ZNF75A: variants seen among roughly 807,000 people sequenced by gnomAD.
ZNF75A encodes zinc finger protein 75A.
ZNF75A carries 36 observed loss-of-function variants against 46.3 expected under a neutral mutation model. The ratio of observed to expected loss-of-function variants is 0.78; its 90% CI spans 0.60 to 1.03. ZNF75A has a LOEUF of 1.03. Ranked by LOEUF, ZNF75A falls within the 50% of genes least tolerant of loss-of-function variation. The pLI is 0.00. For synonymous variants in ZNF75A, 234 were observed against 189.9 expected, an observed-to-expected ratio of 1.23 and a Z score of -1.91; for missense variants, 595 against 551.3, an observed-to-expected ratio of 1.08 and a Z score of -0.79.
chr16:3,321,742 T>G (rs538703046), downstream of ZNF75A, among the ~76,000 whole-genome samples: 4 of 152,346 alleles, frequency 2.6e-5, no homozygotes, highest in Non-Finnish European at 5.9e-5. Context: ...GTACTGAGAT[T>G]ACAGGCATGA....
At chr16:3,305,994 G>C (rs1458511460) in intron 1 of ZNF75A, 1 of 152,208 alleles carries the variant, frequency 6.6e-6, no homozygotes, top group Non-Finnish European at 1.5e-5. Flanking sequence ...TTCCGTGTCC[G>C]GCCGATGTCA....
chr16:3,316,933 C>A lies in ZNF75A; in HGVS notation c.845C>A (p.Pro282His). 6.2e-7 allele frequency: 1 copy of A among 1,613,398 alleles called. No homozygotes were observed. Among genetic ancestry groups the A allele is most frequent in the Non-Finnish European group, 8.5e-7 (1 of 1,179,724 alleles). The change falls in exon 6 of 7, where the codon CCT becomes CAT. Residue 282 changes from proline (P) to histidine (H), a missense_variant. Transcript: ENST00000669516. ...ISLALFVLPK[P>H]KVISCLEQGE... ...ACAGCATTGTTTGTGCTCCCCAAACCTAAAGTGATCTCCTGTCTAGAGCAA... is the reference window on the plus strand; with the variant it reads ...ACAGCATTGTTTGTGCTCCCCAAACATAAAGTGATCTCCTGTCTAGAGCAA...
At chr16:3,311,302 G>A (rs1392991506) in intron 2 of ZNF75A, among the ~76,000 whole-genome samples, 1 of 152,092 alleles carries the variant, frequency 6.6e-6, no homozygotes, top group Non-Finnish European at 1.5e-5. Context: ...GCCAGGCGTG[G>A]TGGTGCATAC....
At chr16:3,314,521 C>G (rs548498224) in intron 5 of ZNF75A, among the ~76,000 whole-genome samples, 1 of 152,328 alleles carries the variant, frequency 6.6e-6, no homozygotes, top group Admixed American at 6.5e-5. Flanking sequence ...GAGGTTCTAC[C>G]CTGGACAATT....
At chr16:3,320,526 C>G (rs1961489182), downstream of ZNF75A, among the ~76,000 whole-genome samples, 1 of 152,182 alleles carries the variant, frequency 6.6e-6, no homozygotes, top group South Asian at 2.1e-4. Flanking sequence ...CCTCCCAAGA[C>G]TGTAGATGAT....
downstream of ZNF75A, among the ~76,000 whole-genome samples, chr16:3,320,048 CT>C (rs1232924647): frequency 0.031 from 4,623 of 146,912 alleles, 254 homozygotes; most frequent in African/African-American, 0.11. Context: ...CCTGCCCTAT[CT>C]TTTTTTTTTT....
rs529030738 is a variant in ZNF75A at position 3,310,851 on chromosome 16, G to T, written c.409-902G>T. 9.1e-6 allele frequency: 9 copies of T among 985,486 alleles called. No homozygotes were observed. In the East Asian group the frequency reaches 4.5e-4, roughly 50 times the overall value. The allele number at this position is 985,486 out of a possible 1,614,324, so 61.0% of individuals were successfully genotyped here. On this transcript the variant is annotated intron_variant, in intron 2 of 6. Coordinates refer to ENST00000669516, the MANE Select transcript of ZNF75A (RefSeq NM_001302109.2). ...CTCTGCTGACAAGTTGGGAGCCAGGGTATGAACTTGGTGGGTGGCGACACA... is the reference window on the plus strand; with the variant it reads ...CTCTGCTGACAAGTTGGGAGCCAGGTTATGAACTTGGTGGGTGGCGACACA...
In ZNF75A at chr16:3,317,292, A is replaced by G. The variant is rs201438884; in HGVS notation, c.1037A>G (p.Lys346Arg). 4.6e-5 allele frequency: 75 copies of G among 1,613,964 alleles called. No homozygotes were observed. The highest frequency in any genetic ancestry group is 5.7e-5 in the Non-Finnish European group (67 of 1,180,020). The change falls in exon 7 of 7, where the codon AAA (lysine) becomes AGA (arginine). Residue 346 changes from lysine (K) to arginine (R), a missense_variant. Coordinates refer to ENST00000669516, the MANE Select transcript of ZNF75A (RefSeq NM_001302109.2). The stretch of plus-strand genomic sequence containing the variant: ...GTCATATCAAAAAAGGCCAAAGTAA[A>G]AGTTCCCCAGAAAACAGCAGGCAAA... ...AGVISKKAKV[K>R]VPQKTAGKEN...
chr16:3,310,122 G>A (rs76214808), intron 2 of ZNF75A, among the ~76,000 whole-genome samples: 9,487 of 151,898 alleles, frequency 0.062, 1,007 homozygotes, highest in African/African-American at 0.21. Context: ...TAGGCCAGGC[G>A]TGGTGGCTCA....
downstream of ZNF75A, among the ~76,000 whole-genome samples, chr16:3,319,783 A>ATTT (rs55767869): frequency 1.7e-3 from 222 of 133,334 alleles, 1 homozygote; most frequent in African/African-American, 6.2e-3. Context: ...GAAGCTTTTC[A>ATTT]TTTTTTTTTT....
chr16:3,318,825 C>T lies in ZNF75A; in HGVS notation c.*956C>T. ...GACATGTAGTCAGCAGGAGACGGTTCCCTAAATAAAAGATTTGGGCACTGG... is the reference window on the plus strand; with the variant it reads ...GACATGTAGTCAGCAGGAGACGGTTTCCTAAATAAAAGATTTGGGCACTGG... On this transcript the variant is annotated 3_prime_UTR_variant, in exon 7 of 7. Coordinates refer to ENST00000669516, the MANE Select transcript of ZNF75A (RefSeq NM_001302109.2). The T allele has an allele frequency of 1.0e-6, 1 of 985,342 alleles. No homozygotes were observed. Among genetic ancestry groups the T allele is most frequent in the Non-Finnish European group, 1.2e-6 (1 of 829,918 alleles). The allele number at this position is 985,342 out of a possible 1,614,324, so 61.0% of individuals were successfully genotyped here.
intron 5 of ZNF75A, chr16:3,316,476 A>G (rs1435500349): frequency 6.5e-6 from 1 of 152,970 alleles, no homozygotes; most frequent in East Asian, 1.9e-4. Flanking sequence ...TGTAATTATA[A>G]TAGTAATCAC....
chr16:3,308,536 T>G lies in ZNF75A; in HGVS notation c.108T>G (p.Ser36=). The G allele has an allele frequency of 1.0e-6, 1 of 985,830 alleles. No homozygotes were observed. The highest frequency in any genetic ancestry group is 6.1e-5 in the Admixed American group (1 of 16,280). The allele number at this position is 985,830 out of a possible 1,614,324, so 61.1% of individuals were successfully genotyped here. A position where few individuals can be genotyped will look rare whatever the true frequency, so the allele number is the denominator to read the frequency against. The change falls in exon 2 of 7, where the codon TCT becomes TCG. Residue 36 remains serine, a synonymous_variant. Transcript: ENST00000669516. The part of the protein sequence containing the change: ...ARESSGQSKK[S]PQMDCLDPKS... ...AGAGCTCCGGTCAGAGTAAAAAATC[T>G]CCTCAAATGGACTGTCTCGATCCTA... is the stretch of plus-strand genomic sequence containing the variant.
rs758558878 is a variant in ZNF75A, at chr16:3,317,378, A to G, written c.1123A>G (p.Arg375Gly). Reference sequence around the variant, plus strand: ...GCACCAAGATTTTCCAGTGAAGAAAAGAAAGAAACTTTCAACCTGGAAACA... The same window carrying G: ...GCACCAAGATTTTCCAGTGAAGAAAGGAAAGAAACTTTCAACCTGGAAACA... ...KWHQDFPVKK[R>G]KKLSTWKQEL... Residue 375 changes from arginine to glycine, a missense_variant, in exon 7 of 7, where the codon AGA becomes GGA. Arg to Gly is a moderately radical substitution (Grantham distance 125). Transcript: ENST00000669516. The G allele has an allele frequency of 2.5e-6, 4 of 1,613,714 alleles. No homozygotes were observed. Among genetic ancestry groups the G allele is most frequent in the Non-Finnish European group, 3.4e-6 (4 of 1,179,706 alleles).
In ZNF75A at chr16:3,311,757, C is replaced by A; in HGVS notation, c.413C>A (p.Ala138Glu). ...RESGQTWNGV[A>E]VHELGKEAVL... ...AAGGATGGGAATTATTTCTAGGTTG[C>A]AGTCCATGAGCTGGGAAAGGAGGCA... The change falls in exon 3 of 7, where the codon GCA becomes GAA. Residue 138 changes from alanine to glutamate, a missense_variant. By Grantham distance (107) the Ala-to-Glu change is moderately radical. Coordinates refer to ENST00000669516, the MANE Select transcript of ZNF75A (RefSeq NM_001302109.2). 4.8e-6 allele frequency: 5 copies of A among 1,049,888 alleles called. No homozygotes were observed. The highest frequency in any genetic ancestry group is 1.7e-5 in the African/African-American group (1 of 59,190). 65.0% of individuals were successfully genotyped at this position (1,049,888 alleles called of 1,614,324 possible).
intron 5 of ZNF75A, among the ~76,000 whole-genome samples, chr16:3,314,125 C>T (rs866607536): frequency 5.3e-5 from 8 of 151,974 alleles, no homozygotes; most frequent in Admixed American, 2.0e-4. Context: ...ATCTGGGGAA[C>T]CGGTTCTAGG....
downstream of ZNF75A, chr16:3,322,869 C>G: frequency 1.0e-6 from 1 of 984,070 alleles, no homozygotes; most frequent in Non-Finnish European, 1.2e-6. Context: ...CTTAGGAAGC[C>G]TTGTACAAAT....
At chr16:3,310,762 G>C (rs1393782270) in intron 2 of ZNF75A, 2 of 985,268 alleles carry the variant, frequency 2.0e-6, no homozygotes, top group African/African-American at 3.5e-5. Context: ...ATGCACTGAT[G>C]GGTAATGTCC....
At chr16:3,312,043 G>A (rs960501071) in intron 3 of ZNF75A, 95 bp downstream of exon 3, 3 of 649,196 alleles carry the variant, frequency 4.6e-6, no homozygotes, top group Admixed American at 6.3e-5. Context: ...ACCCTGCTCT[G>A]TGGATTTGTA....
Sources: allele counts gnomAD v4.1 joint callset (sites outside exome capture counted in the v4.1 genomes callset), GRCh38; gene constraint gnomAD v4.1.1; transcripts MANE v1.5; gene names NCBI Gene and HGNC (gene_info 2026-07-23, HGNC 2026-07-21).